Variants in CDC45 observed in about 807,000 individuals in gnomAD.
The protein encoded by CDC45 is cell division cycle 45.
CDC45 carries 54 observed loss-of-function variants against 77.8 expected under a neutral mutation model. The ratio of observed to expected loss-of-function variants is 0.69; its 90% CI spans 0.56 to 0.87. CDC45 has a LOEUF of 0.87. CDC45 is among the 40% of genes least tolerant of loss of function. The probability of loss-of-function intolerance (pLI) is 0.00; values close to 1 mark genes in which losing one functional copy is unlikely to be tolerated. For missense variants in CDC45, 649 were observed against 721.6 expected, an observed-to-expected ratio of 0.90 and a Z score of 1.15; for synonymous variants, 260 against 272.1, an observed-to-expected ratio of 0.96 and a Z score of 0.44.
chr22:19,486,299 A>G (rs1341944883), intron 5 of CDC45, among the ~76,000 whole-genome samples: 1 of 152,244 alleles, frequency 6.6e-6, no homozygotes, highest in East Asian at 1.9e-4. Flanking sequence ...ATATCCTAAT[A>G]TCATGTAATA....
At chr22:19,494,045 G>C (rs966673456) in intron 5 of CDC45, among the ~76,000 whole-genome samples, 5 of 152,198 alleles carry the variant, frequency 3.3e-5, no homozygotes, top group African/African-American at 1.2e-4. Flanking sequence ...ACAGCAGCTA[G>C]GGTGGATGAA....
At chr22:19,507,968 G>A (rs938104623) in intron 12 of CDC45, 104 bp downstream of exon 12, 16 of 735,518 alleles carry the variant, frequency 2.2e-5, no homozygotes, top group South Asian at 1.5e-4. Flanking sequence ...AAAAACCAAC[G>A]TGCTCCTAAA....
chr22:19,505,137 G>A (rs1041904326), intron 9 of CDC45: 14 of 553,996 alleles, frequency 2.5e-5, no homozygotes, highest in East Asian at 2.2e-4. Flanking sequence ...CATGAGGACC[G>A]GAGGTGGACA....
At chr22:19,513,207 C>T (rs1933609286) in intron 13 of CDC45, among the ~76,000 whole-genome samples, 1 of 152,210 alleles carries the variant, frequency 6.6e-6, no homozygotes, top group Admixed American at 6.5e-5. Context: ...AACAGCCTTA[C>T]TTTGCTCTTC....
At chr22:19,511,895 A>G (rs887515889) in intron 13 of CDC45, among the ~76,000 whole-genome samples, 4 of 146,816 alleles carry the variant, frequency 2.7e-5, no homozygotes, top group African/African-American at 1.0e-4. Context: ...TAGCCCTTAC[A>G]TTAGGAGTAT....
intron 17 of CDC45, 43 bp downstream of exon 17, chr22:19,516,936 C>G (rs1378811110): frequency 6.5e-7 from 1 of 1,546,614 alleles, no homozygotes; most frequent in South Asian, 1.1e-5. Flanking sequence ...CCACCTGACC[C>G]TTTGAGGCTA....
At chr22:19,514,478 TG>T (rs950752066) in intron 13 of CDC45, among the ~76,000 whole-genome samples, 4 of 152,234 alleles carry the variant, frequency 2.6e-5, no homozygotes, top group African/African-American at 9.6e-5. Flanking sequence ...AGAGTCCTCC[TG>T]GGCCTTCAGG....
At chr22:19,492,719 TC>T (rs947613431) in intron 5 of CDC45, among the ~76,000 whole-genome samples, 2 of 152,164 alleles carry the variant, frequency 1.3e-5, no homozygotes, top group African/African-American at 4.8e-5. Flanking sequence ...TTTCGTGTCT[TC>T]TTTAAGTCTT....
At chr22:19,493,234 TTTTTG>T (rs772000853) in intron 5 of CDC45, among the ~76,000 whole-genome samples, 71 of 135,652 alleles carry the variant, frequency 5.2e-4, no homozygotes, top group African/African-American at 1.6e-3. Context: ...TGGGTTTTTT[TTTTTG>T]TTGTTTTGTT....
intron 5 of CDC45, among the ~76,000 whole-genome samples, chr22:19,489,259 G>A (rs2090119487): frequency 6.6e-6 from 1 of 151,708 alleles, no homozygotes; most frequent in South Asian, 2.1e-4. Flanking sequence ...TGAAAGTTCT[G>A]CCAGAAACTG....
intron 6 of CDC45, among the ~76,000 whole-genome samples, chr22:19,495,693 A>AT (rs1172568965): frequency 6.6e-6 from 1 of 152,150 alleles, no homozygotes; most frequent in African/African-American, 2.4e-5. Flanking sequence ...GTAGTGGCAC[A>AT]TGCCTGTAGC....
intron 6 of CDC45, chr22:19,494,663 T>C (rs988681042): frequency 1.9e-6 from 2 of 1,069,064 alleles, no homozygotes; most frequent in African/African-American, 1.6e-5. Context: ...GTTTTTCCAA[T>C]GTAGATACTT....
At chr22:19,518,392 G>A (rs1269368830) in intron 17 of CDC45, among the ~76,000 whole-genome samples, 3 of 152,184 alleles carry the variant, frequency 2.0e-5, no homozygotes, top group African/African-American at 7.2e-5. Context: ...TGAGCCTGAG[G>A]GCCCTGTGAG....
intron 17 of CDC45, among the ~76,000 whole-genome samples, chr22:19,518,265 G>A (rs376209233): frequency 4.6e-5 from 7 of 152,208 alleles, no homozygotes; most frequent in South Asian, 2.1e-4. Flanking sequence ...GCCCACCTGC[G>A]TGGGCTGGGT....
chr22:19,516,953 G>T, intron 17 of CDC45, 60 bp downstream of exon 17: 1 of 1,395,456 alleles, frequency 7.2e-7, no homozygotes, highest in South Asian at 1.2e-5. Flanking sequence ...GCTATTGCAG[G>T]CCCTGGAACC....
At chr22:19,486,954 G>A (rs1048607609) in intron 5 of CDC45, among the ~76,000 whole-genome samples, 1 of 151,988 alleles carries the variant, frequency 6.6e-6, no homozygotes, top group Non-Finnish European at 1.5e-5. Context: ...GGGATTACAG[G>A]CGTGAGCCAC....
At chr22:19,516,752 G>A in intron 16 of CDC45, 65 bp from the exon 17 acceptor site, 1 of 815,152 alleles carries the variant, frequency 1.2e-6, no homozygotes. Flanking sequence ...GTCTGTCCTG[G>A]GGCGGGGGGT....
intron 17 of CDC45, among the ~76,000 whole-genome samples, chr22:19,518,297 C>T (rs1183238586): frequency 3.9e-5 from 6 of 152,178 alleles, no homozygotes; most frequent in Admixed American, 2.0e-4. Flanking sequence ...GGGGCTGTGG[C>T]TGGCAGCATA....
chr22:19,480,072 AG>A, intron 1 of CDC45, 53 bp downstream of exon 1: 12 of 1,610,496 alleles, frequency 7.5e-6, no homozygotes, highest in Non-Finnish European at 9.3e-6. Context: ...GGAAGGGATG[AG>A]GGGGAGCGAC....
Sources: gnomAD v4.1 joint callset for allele counts (sites outside exome capture counted in the v4.1 genomes callset) on GRCh38, gnomAD v4.1.1 for gene constraint, MANE v1.5 for transcripts, NCBI Gene and HGNC (gene_info 2026-07-23, HGNC 2026-07-21) for gene names.